The following FBN2 variants were observed in gnomAD, a reference collection of about 807,000 sequenced individuals.
FBN2 encodes fibrillin 2, also known as fibrillin-2.
A neutral mutation model predicts 355.6 loss-of-function variants in FBN2; 105 were observed. The observed-to-expected ratio is 0.30, with a 90% CI of 0.25 to 0.35. FBN2 has a LOEUF of 0.35. FBN2 is among the 10% of genes least tolerant of loss of function. The pLI is 1.00. For synonymous variants in FBN2, 1,350 were observed against 1,301.2 expected (o/e 1.04, Z -0.81); for missense variants, 3,280 against 3,758.7 (o/e 0.87, Z 3.33).
chr5:128,296,933 G>A (rs1273472168), intron 48 of FBN2, among the ~76,000 whole-genome samples: 1 of 152,070 alleles, frequency 6.6e-6, no homozygotes. Context: ...TGATGTTAGG[G>A]TGTCAATTTT....
At chr5:128,507,905 C>T (rs1756008524) in intron 5 of FBN2, among the ~76,000 whole-genome samples, 1 of 151,990 alleles carries the variant, frequency 6.6e-6, no homozygotes, top group East Asian at 1.9e-4. Flanking sequence ...TTTGTCTACA[C>T]CTCCTTGCAG....
intron 19 of FBN2, among the ~76,000 whole-genome samples, chr5:128,359,618 C>A (rs960095428): frequency 6.6e-6 from 1 of 152,042 alleles, no homozygotes; most frequent in African/African-American, 2.4e-5. Context: ...ACATGAACTT[C>A]TTTCCTATGA....
intron 8 of FBN2, among the ~76,000 whole-genome samples, chr5:128,404,716 A>G (rs913192009): frequency 7.9e-5 from 12 of 152,240 alleles, no homozygotes; most frequent in African/African-American, 2.9e-4. Flanking sequence ...AGGGCCTAAC[A>G]AAGCCCACAG....
At chr5:128,485,228 G>A (rs1052842383) in intron 5 of FBN2, among the ~76,000 whole-genome samples, 3 of 151,964 alleles carry the variant, frequency 2.0e-5, no homozygotes, top group Non-Finnish European at 2.9e-5. Context: ...TTGCCATGTT[G>A]CCCAGGTTGG....
Position 128,306,359 on chromosome 5 carries a change from C to T in FBN2, c.5423-411G>A, listed in dbSNP as rs143629859. 1.6e-4 allele frequency among the ~76,000 whole-genome samples: 24 copies of T among 152,188 alleles called. No homozygotes were observed. In the East Asian group the frequency reaches 4.4e-3, roughly 28 times the overall value. The stretch of plus-strand genomic sequence containing the variant: ...CTTAGGCCAGGTGTGGTGGCTCACG[C>T]CTGTAATCCCAGCACTTTGGGAGGC... On this transcript the variant is annotated intron_variant, in intron 42 of 64. Transcript: ENST00000262464.
At chr5:128,434,418 ATATATATG>A (rs1001350576) in intron 7 of FBN2, among the ~76,000 whole-genome samples, 1 of 135,248 alleles carries the variant, frequency 7.4e-6, no homozygotes, top group African/African-American at 3.1e-5. Context: ...ATATATATAT[ATATATATG>A]GGCAGTAAGT....
intron 7 of FBN2, among the ~76,000 whole-genome samples, chr5:128,424,912 A>C (rs1753446328): frequency 1.3e-5 from 2 of 152,324 alleles, no homozygotes; most frequent in Non-Finnish European, 2.9e-5. Context: ...TAACATAGTC[A>C]AACAATATGA....
chr5:128,300,892 T>C lies in FBN2; in HGVS notation c.6091A>G (p.Thr2031Ala). 1 of 1,613,694 alleles carries C rather than the reference T, an allele frequency of 6.2e-7. No individual in the cohort carries two copies. The highest frequency in any genetic ancestry group is 8.5e-7 in the Non-Finnish European group (1 of 1,179,640). ...AAGGATCCCTCCAAATTCTGACAGGTACCAGGAGAGCAAGAGCCGGGAAGG... is the reference window on the plus strand; with the variant it reads ...AAGGATCCCTCCAAATTCTGACAGGCACCAGGAGAGCAAGAGCCGGGAAGG... ...VALPGSCSPGTCQNLEGSFRC... is the reference protein window; with the variant it reads ...VALPGSCSPGACQNLEGSFRC... Residue 2031 changes from threonine (T) to alanine (A), a missense_variant, in exon 48 of 65, where the codon ACC becomes GCC. This residue lies in a region of FBN2 where 2,284 missense variants were observed against 2,749.5 expected (regional missense o/e 0.83). Transcript: ENST00000262464.
intron 2 of FBN2, among the ~76,000 whole-genome samples, chr5:128,536,111 C>A (rs796634102): frequency 4.3e-4 from 65 of 152,248 alleles, no homozygotes; most frequent in African/African-American, 1.4e-3. Flanking sequence ...AATTGCTCTA[C>A]TCCTCCCCTC....
intron 49 of FBN2, among the ~76,000 whole-genome samples, 175 bp from the exon 50 acceptor site, chr5:128,291,059 A>C (rs1252822981): frequency 6.6e-6 from 1 of 152,200 alleles, no homozygotes; most frequent in Non-Finnish European, 1.5e-5. Context: ...AAAATTATTT[A>C]ATTATTTAAT....
In FBN2 at chr5:128,464,759, C is replaced by T. The variant is rs746046058; in HGVS notation, c.791G>A (p.Gly264Asp). The T allele has an allele frequency of 1.4e-5, 22 of 1,613,834 alleles. No homozygotes were observed. Among genetic ancestry groups the T allele is most frequent in the Non-Finnish European group, 1.9e-5 (22 of 1,180,002 alleles). ...CPAQPQPCRRGFIPNIRTGAC... is the reference protein window; with the variant it reads ...CPAQPQPCRRDFIPNIRTGAC... Reference sequence around the variant, plus strand: ...TCCAGTGCGGATGTTGGGGATGAAACCCCGTCGGCAGGGCTGAGGCTGGGC... The same window carrying T: ...TCCAGTGCGGATGTTGGGGATGAAATCCCGTCGGCAGGGCTGAGGCTGGGC... The change falls in exon 6 of 65, where the codon GGT (glycine) becomes GAT (aspartate). Residue 264 changes from glycine (G) to aspartate (D), a missense_variant. This residue lies in a region of FBN2 where 343 missense variants were observed against 331.0 expected (regional missense o/e 1.04). Transcript: ENST00000262464.
intron 36 of FBN2, among the ~76,000 whole-genome samples, chr5:128,314,565 C>A (rs1750150150): frequency 6.6e-6 from 1 of 152,140 alleles, no homozygotes; most frequent in African/African-American, 2.4e-5. Flanking sequence ...ATCCACCCAC[C>A]TCAGCCTCCC....
Position 128,364,665 on chromosome 5 carries a change from C to G in FBN2, c.2363G>C (p.Arg788Pro). Residue 788 changes from arginine to proline, a missense_variant, in exon 18 of 65, where the codon CGT becomes CCT. This residue lies in a region of FBN2 where 2,284 missense variants were observed against 2,749.5 expected (regional missense o/e 0.83). Coordinates refer to ENST00000262464, the MANE Select transcript of FBN2 (RefSeq NM_001999.4). ...GTTGCAATTACAACGGTAACTACCA[C>G]GTAAGTTTTCACAAATCCCATTGGC... is the stretch of plus-strand genomic sequence containing the variant. ...ICANGICENL[R>P]GSYRCNCNSG... 1 of 1,613,124 alleles carries G rather than the reference C, an allele frequency of 6.2e-7. No homozygotes were observed. Among genetic ancestry groups the G allele is most frequent in the Non-Finnish European group, 8.5e-7 (1 of 1,179,214 alleles).
intron 20 of FBN2, among the ~76,000 whole-genome samples, chr5:128,355,667 T>C (rs1439043146): frequency 6.6e-6 from 1 of 152,210 alleles, no homozygotes; most frequent in Non-Finnish European, 1.5e-5. Flanking sequence ...TATATTTTAC[T>C]ATTTGTTATT....
chr5:128,487,009 G>C (rs1755356077), intron 5 of FBN2, among the ~76,000 whole-genome samples: 1 of 152,152 alleles, frequency 6.6e-6, no homozygotes, highest in Non-Finnish European at 1.5e-5. Flanking sequence ...CATTAGTGCT[G>C]TTCCCAATAT....
chr5:128,285,559 T>C (rs537452144), intron 55 of FBN2, among the ~76,000 whole-genome samples: 55 of 152,272 alleles, frequency 3.6e-4, no homozygotes, highest in African/African-American at 1.2e-3. Flanking sequence ...CAGAGGATGA[T>C]AGAATTTTAG....
At chr5:128,457,843 A>C (rs1021997961) in intron 6 of FBN2, among the ~76,000 whole-genome samples, 2 of 113,428 alleles carry the variant, frequency 1.8e-5, no homozygotes, top group Non-Finnish European at 3.9e-5. Context: ...CAGACACTGC[A>C]AAAAAAAAAA....
At position 128,301,591 on chromosome 5, in the gene FBN2, C is replaced by T. The variant is rs1399691913; in HGVS notation, c.5918-81G>A. 12 of 1,347,370 alleles carry T rather than the reference C, an allele frequency of 8.9e-6. No individual in the cohort carries two copies. In the East Asian group the frequency reaches 2.3e-4, roughly 26 times the overall value. 83.5% of individuals were successfully genotyped at this position (1,347,370 alleles called of 1,614,324 possible). On this transcript the variant is annotated intron_variant, in intron 46 of 64. Transcript: ENST00000262464. ...TCACAAGACGCTACTTAAAAACATA[C>T]TTATTGGCATGCATTTATAAGAAAT...
intron 7 of FBN2, among the ~76,000 whole-genome samples, chr5:128,418,802 G>A (rs1470331432): frequency 6.6e-6 from 1 of 152,120 alleles, no homozygotes; most frequent in Non-Finnish European, 1.5e-5. Context: ...CTATCCTGGA[G>A]AATATTCTAT....
Sources: allele counts gnomAD v4.1 joint callset (sites outside exome capture counted in the v4.1 genomes callset), GRCh38; gene constraint gnomAD v4.1.1; regional missense constraint gnomAD v4.1.1; transcripts MANE v1.5; gene names NCBI Gene and HGNC (gene_info 2026-07-23, HGNC 2026-07-21).